Variants in RMI1 observed in about 807,000 individuals in gnomAD.
The protein encoded by RMI1 is recQ-mediated genome instability protein 1.
Under a neutral mutation model 46.7 loss-of-function variants are expected in RMI1, and 36 were observed. That is an observed-to-expected ratio of 0.77 (90% confidence interval 0.59 to 1.02). RMI1 has a LOEUF of 1.02. Among genes scored for constraint, RMI1 ranks in the 50% least tolerant of loss-of-function variants. The pLI, the probability that RMI1 is intolerant of heterozygous loss-of-function variation, is 0.00. For missense variants in RMI1, 676 were observed against 713.7 expected, an observed-to-expected ratio of 0.95 and a Z score of 0.60; for synonymous variants, 250 against 252.9, an observed-to-expected ratio of 0.99 and a Z score of 0.11.
chr9:83,987,222 C>T (rs543238798), intron 1 of RMI1, among the ~76,000 whole-genome samples: 1 of 152,196 alleles, frequency 6.6e-6, no homozygotes, highest in African/African-American at 2.4e-5. Flanking sequence ...GCCACCACGC[C>T]CAGCTAATTT....
At chr9:83,998,338 C>T (rs1239557101) in intron 1 of RMI1, among the ~76,000 whole-genome samples, 1 of 152,128 alleles carries the variant, frequency 6.6e-6, no homozygotes, top group African/African-American at 2.4e-5. Flanking sequence ...TCCCCATGTC[C>T]TTTAAATTCT....
chr9:83,990,241 G>T (rs983668150), intron 1 of RMI1, among the ~76,000 whole-genome samples: 1 of 152,230 alleles, frequency 6.6e-6, no homozygotes, highest in Non-Finnish European at 1.5e-5. Context: ...TAGAGGCCGG[G>T]CGCAGTGGCT....
Position 84,002,669 on chromosome 9 carries a change from G to T in RMI1, c.1683G>T (p.Met561Ile), listed in dbSNP as rs1957756779. 1 of 1,613,634 alleles carries T rather than the reference G, an allele frequency of 6.2e-7. No homozygotes were observed. The highest frequency in any genetic ancestry group is 1.3e-5 in the African/African-American group (1 of 74,882). Reference protein sequence around the residue: ...TSLIGFSVPEMKQSKKDPLQY... With the variant: ...TSLIGFSVPEIKQSKKDPLQY... The stretch of plus-strand genomic sequence containing the variant: ...TGATAGGGTTCTCAGTACCAGAAAT[G>T]AAACAGTCAAAAAAGGATCCTCTTC... Residue 561 changes from methionine (M) to isoleucine (I), a missense_variant, in exon 3 of 3, where the codon ATG (methionine) becomes ATT (isoleucine). Transcript: ENST00000445877.
At chr9:83,990,824 T>G (rs924800004) in intron 1 of RMI1, among the ~76,000 whole-genome samples, 1 of 152,152 alleles carries the variant, frequency 6.6e-6, no homozygotes, top group Admixed American at 6.5e-5. Flanking sequence ...TTTATTTTTT[T>G]GAGACGGAGT....
intron 1 of RMI1, among the ~76,000 whole-genome samples, chr9:83,987,987 G>C (rs1384433386): frequency 1.3e-5 from 2 of 152,094 alleles, no homozygotes; most frequent in Non-Finnish European, 2.9e-5. Flanking sequence ...CTGGGCTCAA[G>C]TGATCCTCCT....
rs78699844 is a variant in RMI1 at position 83,996,973 on chromosome 9, T to C, written c.-125-2736T>C. 5.9e-3 allele frequency among the ~76,000 whole-genome samples: 888 copies of C among 151,298 alleles called. 8 individuals are homozygous for C. The highest frequency in any genetic ancestry group is 0.021 in the African/African-American group (846 of 41,180). On this transcript the variant is annotated intron_variant, in intron 1 of 2. Coordinates refer to ENST00000445877, the MANE Select transcript of RMI1 (RefSeq NM_001358291.2). ...AACAGAGTAAACATCATATTGTCAT[T>C]AGCAACAACATAGGACATGGGGCGG...
rs35657089 is a variant in RMI1 at position 84,001,578 on chromosome 9, T to C, written c.592T>C (p.Leu198=). Reference sequence around the variant, plus strand: ...GTTAGGAGGTGAAGTAGATGCTCTTTTAGAAGAATATGCCCAAGAAAAAGT... The same window carrying C: ...GTTAGGAGGTGAAGTAGATGCTCTTCTAGAAGAATATGCCCAAGAAAAAGT... ...KVLGGEVDAL[L]EEYAQEKVLA... The change falls in exon 3 of 3, where the codon TTA becomes CTA. Residue 198 remains leucine, a synonymous_variant. Coordinates refer to ENST00000445877, the MANE Select transcript of RMI1 (RefSeq NM_001358291.2). 1.3e-3 allele frequency: 2,026 copies of C among 1,613,960 alleles called. 22 individuals are homozygous for C. The African/African-American group carries it at 0.021, about 17-fold the overall frequency.
Position 84,001,942 on chromosome 9 carries a change from C to G in RMI1, c.956C>G (p.Ala319Gly), listed in dbSNP as rs141490998. 2 of 1,613,884 alleles carry G rather than the reference C, an allele frequency of 1.2e-6. No individual in the cohort carries two copies. The highest frequency in any genetic ancestry group is 1.3e-5 in the African/African-American group (1 of 74,914). The stretch of plus-strand genomic sequence containing the variant: ...TTAGATGACTTTTCACTGGAGGAGG[C>G]CTTGCTTTTAGAAGAAACTGTCCAG... ...GELDDFSLEE[A>G]LLLEETVQKE... Residue 319 changes from alanine to glycine, a missense_variant, in exon 3 of 3, where the codon GCC becomes GGC. Transcript: ENST00000445877.
chr9:83,988,865 GT>G lies in RMI1; in HGVS notation c.-126+7981del, dbSNP rs571541977. Among the ~76,000 whole-genome samples the G allele has an allele frequency of 4.7e-3, 715 of 151,916 alleles. 1 individual carries two copies. The highest frequency in any genetic ancestry group is 7.7e-3 in the Non-Finnish European group (526 of 67,942). On this transcript the variant is annotated intron_variant, in intron 1 of 2. Coordinates refer to ENST00000445877, the MANE Select transcript of RMI1 (RefSeq NM_001358291.2). ...TCGTTTTTCTTTTAGCCTTCTGTTT[GT>G]TTTTTTGTTGAGACAGGGTCTTGCT...
chr9:83,997,965 TA>T (rs930816413), intron 1 of RMI1, among the ~76,000 whole-genome samples: 39 of 147,658 alleles, frequency 2.6e-4, no homozygotes, highest in African/African-American at 8.2e-4. Context: ...TCAGGCTAAT[TA>T]AAAAAAAAAA....
At chr9:83,994,921 T>C (rs911471115) in intron 1 of RMI1, among the ~76,000 whole-genome samples, 1 of 152,180 alleles carries the variant, frequency 6.6e-6, no homozygotes, top group African/African-American at 2.4e-5. Flanking sequence ...TGTGTATAAG[T>C]GTAGATTAAA....
rs1211299778 is a variant in RMI1 at position 84,003,541 on chromosome 9, A to C, written c.*677A>C. On this transcript the variant is annotated 3_prime_UTR_variant, in exon 3 of 3. Coordinates refer to ENST00000445877, the MANE Select transcript of RMI1 (RefSeq NM_001358291.2). ...CACCCTGAACATGCCTGAGCTTGTC[A>C]TAATATGTTGAGTACCCAAAAGATT... 6.0e-6 allele frequency: 1 copy of C among 166,630 alleles called. No individual in the cohort carries two copies. Among genetic ancestry groups the C allele is most frequent in the African/African-American group, 2.4e-5 (1 of 41,438 alleles). The allele number at this position is 166,630 out of a possible 1,614,324, so 10.3% of individuals were successfully genotyped here.
intron 1 of RMI1, among the ~76,000 whole-genome samples, chr9:83,985,254 A>G (rs1272479442): frequency 6.6e-6 from 1 of 152,208 alleles, no homozygotes. Flanking sequence ...TCATCTTTTT[A>G]TTATAATTAA....
Position 84,001,555 on chromosome 9 carries a change from T to TCACC in RMI1, c.569_570insCACC (p.Leu190PhefsTer5). ...TTGAAACCAGAAAACGTGAAAGTGT[T>TCACC]AGGAGGTGAAGTAGATGCTCTTTTA... is the stretch of plus-strand genomic sequence containing the variant. On this transcript the variant is annotated frameshift_variant, in exon 3 of 3. Coordinates refer to ENST00000445877, the MANE Select transcript of RMI1 (RefSeq NM_001358291.2). LOFTEE classifies it high-confidence loss of function. 6.2e-7 allele frequency: 1 copy of TCACC among 1,613,872 alleles called. No individual in the cohort carries two copies.
chr9:83,993,318 T>A (rs1957600936), intron 1 of RMI1, among the ~76,000 whole-genome samples: 1 of 152,262 alleles, frequency 6.6e-6, no homozygotes, highest in South Asian at 2.1e-4. Flanking sequence ...TGTTGTGGCA[T>A]ATGATAGGAT....
chr9:83,992,328 G>A (rs1056572155), intron 1 of RMI1, among the ~76,000 whole-genome samples: 2 of 152,110 alleles, frequency 1.3e-5, no homozygotes, highest in African/African-American at 4.8e-5. Flanking sequence ...AGCCAACAGT[G>A]CTGTAACTCA....
chr9:84,001,798 C>T lies in RMI1; in HGVS notation c.812C>T (p.Thr271Ile), dbSNP rs756723203. 3.1e-6 allele frequency: 5 copies of T among 1,613,992 alleles called. No homozygotes were observed. The highest frequency in any genetic ancestry group is 4.2e-6 in the Non-Finnish European group (5 of 1,179,920). The change falls in exon 3 of 3, where the codon ACA becomes ATA. Residue 271 changes from threonine to isoleucine, a missense_variant. Thr to Ile is a moderately conservative substitution (Grantham distance 89). Coordinates refer to ENST00000445877, the MANE Select transcript of RMI1 (RefSeq NM_001358291.2). ...ACTTCCTCAGAACGATGTTTCACCA[C>T]AGGTAGTTCCTCAAATACCATTCCC... The part of the protein sequence containing the change: ...NDTSSERCFT[T>I]GSSSNTIPTR...
intron 1 of RMI1, among the ~76,000 whole-genome samples, chr9:83,981,826 G>A (rs1372374217): frequency 2.0e-5 from 3 of 152,120 alleles, no homozygotes; most frequent in Non-Finnish European, 4.4e-5. Flanking sequence ...CTTTTAAATG[G>A]CCATGATTGC....
chr9:83,996,195 G>C (rs1957650476), intron 1 of RMI1, among the ~76,000 whole-genome samples: 1 of 152,216 alleles, frequency 6.6e-6, no homozygotes. Context: ...TGTTTCATTA[G>C]GAATTTGGGT....
Sources: allele counts gnomAD v4.1 joint callset (sites outside exome capture counted in the v4.1 genomes callset), GRCh38; gene constraint gnomAD v4.1.1; transcripts MANE v1.5; gene names NCBI Gene and HGNC (gene_info 2026-07-23, HGNC 2026-07-21).